The following GBP7 variants were observed in gnomAD, a reference collection of about 807,000 sequenced individuals.
The protein encoded by GBP7 is guanylate binding protein 7, also known as guanylate-binding protein 7.
GBP7 carries 43 observed loss-of-function variants against 61.3 expected under a neutral mutation model. The observed-to-expected ratio is 0.70, with a 90% CI of 0.55 to 0.91. The LOEUF (loss-of-function observed/expected upper bound fraction) is 0.91, where lower values mean the gene tolerates loss of function less well. Among genes scored for constraint, GBP7 ranks in the 40% least tolerant of loss-of-function variants. The pLI is 0.00. For synonymous variants in GBP7, 267 were observed against 271.0 expected (o/e 0.99, Z 0.14); for missense variants, 717 against 740.5 (o/e 0.97, Z 0.37).
chr1:89,158,949 C>G (rs182784223), intron 3 of GBP7, among the ~76,000 whole-genome samples: 1 of 152,046 alleles, frequency 6.6e-6, no homozygotes, highest in Non-Finnish European at 1.5e-5. Flanking sequence ...TCACACTACC[C>G]GATTTCAAAC....
At chr1:89,153,780 A>T (rs989592482) in intron 3 of GBP7, among the ~76,000 whole-genome samples, 5 of 152,230 alleles carry the variant, frequency 3.3e-5, no homozygotes, top group African/African-American at 1.2e-4. Context: ...AAGGAAAATA[A>T]AGAGAAACAA....
At chr1:89,172,001 G>A in intron 1 of GBP7, 47 bp from the exon 2 acceptor site, 1 of 1,337,738 alleles carries the variant, frequency 7.5e-7, no homozygotes, top group Non-Finnish European at 1.1e-6. Flanking sequence ...TAAGTCAGTT[G>A]AGCTGAAATC....
At chr1:89,142,073 C>T (rs966324066) in intron 8 of GBP7, among the ~76,000 whole-genome samples, 25 of 152,026 alleles carry the variant, frequency 1.6e-4, no homozygotes, top group African/African-American at 6.0e-4. Flanking sequence ...GGAAGCTTTT[C>T]TAGGCTAATT....
Position 89,175,247 on chromosome 1 carries a change from A to G in GBP7, c.-20+674T>C, listed in dbSNP as rs139160369. Among the ~76,000 whole-genome samples, 12 of 152,294 alleles carry G rather than the reference A, an allele frequency of 7.9e-5. No individual in the cohort carries two copies. The South Asian group carries it at 1.9e-3, about 24-fold the overall frequency. Reference sequence around the variant, plus strand: ...CTGACTTGTTCCTCTGGAGGTTTATATTAAATTATCTGGCTTCCCATCACT... The same window carrying G: ...CTGACTTGTTCCTCTGGAGGTTTATGTTAAATTATCTGGCTTCCCATCACT... On this transcript the variant is annotated intron_variant, in intron 1 of 10. Coordinates refer to ENST00000294671, the MANE Select transcript of GBP7 (RefSeq NM_207398.3).
intron 8 of GBP7, among the ~76,000 whole-genome samples, chr1:89,143,119 T>C (rs1338689326): frequency 1.3e-5 from 2 of 152,232 alleles, no homozygotes; most frequent in Non-Finnish European, 2.9e-5. Flanking sequence ...GTTTTCCAAA[T>C]TGATGTTCTG....
At chr1:89,170,229 T>C (rs1272926850) in intron 2 of GBP7, among the ~76,000 whole-genome samples, 2 of 152,238 alleles carry the variant, frequency 1.3e-5, no homozygotes, top group Non-Finnish European at 2.9e-5. Flanking sequence ...ATTTGTTTAA[T>C]TGGCCTCTTG....
rs1237300681 is a variant in GBP7, at chr1:89,150,314, A to G, written c.871+16T>C. The G allele has an allele frequency of 1.9e-6, 3 of 1,609,794 alleles. No individual in the cohort carries two copies. The highest frequency in any genetic ancestry group is 2.2e-5 in the East Asian group (1 of 44,790). On this transcript the variant is annotated intron_variant, in intron 6 of 10. Coordinates refer to ENST00000294671, the MANE Select transcript of GBP7 (RefSeq NM_207398.3). ...AGTAGGCCTCAGTAAACACCCATAT[A>G]GGGAAATAGACTCACGGTTTCCAGT...
chr1:89,144,784 A>G (rs889682905), intron 8 of GBP7, among the ~76,000 whole-genome samples: 3 of 152,088 alleles, frequency 2.0e-5, no homozygotes, highest in African/African-American at 7.2e-5. Context: ...AATTTCTAGT[A>G]TAAAGTACAT....
rs942442 is a variant in GBP7 at position 89,132,072 on chromosome 1, T to C, written c.*77A>G. 0.66 allele frequency: 820,592 copies of C among 1,240,158 alleles called. 273,675 individuals carry two copies. The highest frequency in any genetic ancestry group is 0.78 in the East Asian group (31,721 of 40,646). 76.8% of individuals were successfully genotyped at this position (1,240,158 alleles called of 1,614,324 possible). ...GAAATTTGCTTTTTAATTTTAAACT[T>C]TTCTTAAATGAAACTGCAATAACAC... On this transcript the variant is annotated 3_prime_UTR_variant, in exon 11 of 11. Transcript: ENST00000294671.
chr1:89,152,645 C>A, intron 4 of GBP7, 23 bp downstream of exon 4: 2 of 1,603,864 alleles, frequency 1.2e-6, no homozygotes, highest in Non-Finnish European at 1.7e-6. Context: ...TAAAACCTGG[C>A]TCTTCACTTC....
intron 3 of GBP7, among the ~76,000 whole-genome samples, chr1:89,157,018 T>G (rs1682332062): frequency 6.6e-6 from 1 of 152,204 alleles, no homozygotes; most frequent in Admixed American, 6.5e-5. Flanking sequence ...CAGACCACAG[T>G]GCAATCAAAC....
chr1:89,170,859 C>T (rs553605917), intron 2 of GBP7, among the ~76,000 whole-genome samples: 168 of 152,298 alleles, frequency 1.1e-3, no homozygotes, highest in African/African-American at 3.9e-3. Context: ...TTGCAAGTGG[C>T]CTTACTTGCT....
intron 9 of GBP7, among the ~76,000 whole-genome samples, chr1:89,136,510 C>G (rs1219796357): frequency 6.6e-6 from 1 of 151,984 alleles, no homozygotes; most frequent in African/African-American, 2.4e-5. Context: ...AAGAATATCT[C>G]TCAAAGCTAT....
intron 6 of GBP7, 21 bp from the exon 7 acceptor site, chr1:89,149,593 A>T (rs980573965): frequency 6.3e-7 from 1 of 1,592,410 alleles, no homozygotes; most frequent in African/African-American, 1.3e-5. Flanking sequence ...TAGGAAATTT[A>T]GGGAATAGAT....
Position 89,159,045 on chromosome 1 carries a change from G to T in GBP7, c.318+5686C>A, listed in dbSNP as rs1469859498. ...ACCAATGGAACAAAACAGAGCCCTC[G>T]GAAATAATACCACACATCTACAACC... On this transcript the variant is annotated intron_variant, in intron 3 of 10. Coordinates refer to ENST00000294671, the MANE Select transcript of GBP7 (RefSeq NM_207398.3). Among the ~76,000 whole-genome samples, 3 of 151,936 alleles carry T rather than the reference G, an allele frequency of 2.0e-5. No homozygotes were observed. In the South Asian group the frequency reaches 6.2e-4, roughly 32 times the overall value.
chr1:89,139,648 T>G (rs1464887690), intron 9 of GBP7, among the ~76,000 whole-genome samples: 1 of 152,144 alleles, frequency 6.6e-6, no homozygotes, highest in East Asian at 1.9e-4. Flanking sequence ...AACAGACACT[T>G]CTCAAAAGAA....
chr1:89,168,848 A>T (rs1200653078), intron 2 of GBP7, among the ~76,000 whole-genome samples: 2 of 152,204 alleles, frequency 1.3e-5, no homozygotes, highest in Non-Finnish European at 2.9e-5. Context: ...GGGCTCCTGT[A>T]ATCCCAGCTA....
intron 2 of GBP7, among the ~76,000 whole-genome samples, chr1:89,166,042 C>G (rs1002562946): frequency 6.6e-5 from 10 of 152,132 alleles, no homozygotes; most frequent in Non-Finnish European, 2.9e-5. Context: ...TCTTGGACTT[C>G]CCAACCTCCA....
chr1:89,173,489 A>G (rs1057192739), intron 1 of GBP7, among the ~76,000 whole-genome samples: 1 of 152,190 alleles, frequency 6.6e-6, no homozygotes, highest in Non-Finnish European at 1.5e-5. Flanking sequence ...GCTCAGTCCT[A>G]GTATATTCAT....
Sources: gnomAD v4.1 joint callset for allele counts (sites outside exome capture counted in the v4.1 genomes callset) on GRCh38, gnomAD v4.1.1 for gene constraint, MANE v1.5 for transcripts, NCBI Gene and HGNC (gene_info 2026-07-23, HGNC 2026-07-21) for gene names.